Variants in GLI2 observed in about 807,000 individuals in gnomAD.
The protein encoded by GLI2 is GLI family zinc finger 2.
GLI2 carries 22 observed loss-of-function variants against 78.9 expected under a neutral mutation model. The ratio of observed to expected loss-of-function variants is 0.28; its 90% CI spans 0.20 to 0.40. The LOEUF is 0.40. Among genes scored for constraint, GLI2 ranks in the 10% least tolerant of loss-of-function variants. The pLI is 1.00. For synonymous variants in GLI2, 974 were observed against 963.7 expected (o/e 1.01, Z -0.20); for missense variants, 2,097 against 2,213.2 (o/e 0.95, Z 1.05).
At chr2:120,930,130 C>T (rs774444419) in intron 3 of GLI2, among the ~76,000 whole-genome samples, 7 of 152,206 alleles carry the variant, frequency 4.6e-5, no homozygotes, top group Non-Finnish European at 1.0e-4. Context: ...ACAGTCCATG[C>T]TGGAGTGCTT....
At position 120,990,804 on chromosome 2, in the gene GLI2, C is replaced by T. The variant is rs900851769; in HGVS notation, c.*129C>T. ...TTGAGGGGTTGTTGCGCAATGGCCG[C>T]TTCAGATGACAGATGTTGTAAGAGA... On this transcript the variant is annotated 3_prime_UTR_variant, in exon 14 of 14. Coordinates refer to ENST00000361492, the MANE Select transcript of GLI2 (RefSeq NM_001374353.1). 3 of 668,072 alleles carry T rather than the reference C, an allele frequency of 4.5e-6. No homozygotes were observed. The highest frequency in any genetic ancestry group is 3.6e-5 in the African/African-American group (2 of 55,406). 41.4% of individuals were successfully genotyped at this position (668,072 alleles called of 1,614,324 possible).
At chr2:120,890,715 G>A (rs1365440993) in intron 2 of GLI2, among the ~76,000 whole-genome samples, 2 of 152,212 alleles carry the variant, frequency 1.3e-5, no homozygotes, top group Non-Finnish European at 2.9e-5. Flanking sequence ...TATGCAATGC[G>A]AATTACGTCA....
At chr2:120,740,767 G>C (rs1349206237) in intron 1 of GLI2, among the ~76,000 whole-genome samples, 1 of 152,220 alleles carries the variant, frequency 6.6e-6, no homozygotes, top group Admixed American at 6.5e-5. Context: ...ACCAAAAACA[G>C]CAGTGAAATA....
chr2:120,753,056 C>T (rs74570456), intron 1 of GLI2, among the ~76,000 whole-genome samples: 2 of 147,648 alleles, frequency 1.4e-5, no homozygotes, highest in Admixed American at 6.7e-5. Flanking sequence ...TGTAAAACTT[C>T]GGGGTATAAG....
At chr2:120,769,898 G>T (rs1264800938) in intron 1 of GLI2, among the ~76,000 whole-genome samples, 2 of 152,126 alleles carry the variant, frequency 1.3e-5, no homozygotes, top group African/African-American at 4.8e-5. Flanking sequence ...GTGTGCATGT[G>T]CATGTGTGGG....
intron 1 of GLI2, among the ~76,000 whole-genome samples, chr2:120,771,606 C>T (rs545362655): frequency 6.6e-6 from 1 of 152,350 alleles, no homozygotes; most frequent in African/African-American, 2.4e-5. Flanking sequence ...GACTGCCCTT[C>T]CAGTCGGGAG....
chr2:120,942,194 C>T (rs936618982), intron 3 of GLI2, among the ~76,000 whole-genome samples: 12 of 152,178 alleles, frequency 7.9e-5, no homozygotes, highest in South Asian at 4.1e-4. Flanking sequence ...TGCTGTAACA[C>T]GGTACCACGA....
At chr2:120,978,901 G>A (rs1202056856) in intron 10 of GLI2, among the ~76,000 whole-genome samples, 2 of 152,242 alleles carry the variant, frequency 1.3e-5, no homozygotes, top group Admixed American at 6.5e-5. Context: ...GCTGGGTGAC[G>A]CTGGGAAGAG....
At chr2:120,754,117 G>C (rs959395748) in intron 1 of GLI2, among the ~76,000 whole-genome samples, 1 of 151,982 alleles carries the variant, frequency 6.6e-6, no homozygotes, top group Non-Finnish European at 1.5e-5. Flanking sequence ...ATAACCATTT[G>C]GTAATTTCTC....
intron 5 of GLI2, among the ~76,000 whole-genome samples, chr2:120,967,658 G>A (rs1681924020): frequency 6.6e-6 from 1 of 152,252 alleles, no homozygotes; most frequent in African/African-American, 2.4e-5. Context: ...GTGTGCATAT[G>A]CATGTGTACA....
intron 1 of GLI2, among the ~76,000 whole-genome samples, chr2:120,758,388 C>T (rs1474809169): frequency 5.9e-5 from 9 of 152,192 alleles, no homozygotes; most frequent in Admixed American, 3.3e-4. Context: ...GAGGGGAAAG[C>T]GGAAGTGGGA....
At chr2:120,805,425 T>G (rs1684906625) in intron 2 of GLI2, among the ~76,000 whole-genome samples, 1 of 152,264 alleles carries the variant, frequency 6.6e-6, no homozygotes, top group African/African-American at 2.4e-5. Flanking sequence ...GTGTGCTCCC[T>G]GGGGCCTTGG....
chr2:120,753,336 T>A (rs1447462116), intron 1 of GLI2, among the ~76,000 whole-genome samples: 4 of 152,182 alleles, frequency 2.6e-5, no homozygotes, highest in Non-Finnish European at 5.9e-5. Context: ...CTTCAGGTGA[T>A]CTACCTGCGT....
At position 120,989,643 on chromosome 2, in the gene GLI2, C is replaced by T. The variant is rs753527864; in HGVS notation, c.3678C>T (p.Pro1226=). 1.2e-6 allele frequency: 2 copies of T among 1,613,374 alleles called. No homozygotes were observed. The highest frequency in any genetic ancestry group is 1.1e-5 in the South Asian group (1 of 91,080). ...CTGGCATGACTACCACTATGAGCCC[C>T]CATGCCTGCTATGGCCAAGTCCACC... is the stretch of plus-strand genomic sequence containing the variant. ...QCPGMTTTMS[P]HACYGQVHPQ... The change falls in exon 14 of 14, where the codon CCC becomes CCT. Residue 1226 remains proline, a synonymous_variant. Coordinates refer to ENST00000361492, the MANE Select transcript of GLI2 (RefSeq NM_001374353.1).
intron 3 of GLI2, among the ~76,000 whole-genome samples, chr2:120,943,735 T>A (rs1221691515): frequency 6.6e-6 from 1 of 152,216 alleles, no homozygotes; most frequent in Non-Finnish European, 1.5e-5. Context: ...ATCTCTGGCA[T>A]GCCAAGGGTG....
In GLI2 at chr2:120,898,753, CAGAT is replaced by C. The variant is rs536289932; in HGVS notation, c.149-28604_149-28601del. ...AACAAAGTGTCCTTTGTTATTTTCT[CAGAT>C]AGAGAAAATAGATGAGGAAACTGCA... On this transcript the variant is annotated intron_variant, in intron 2 of 13. Coordinates refer to ENST00000361492, the MANE Select transcript of GLI2 (RefSeq NM_001374353.1). Among the ~76,000 whole-genome samples, 470 of 152,226 alleles carry C rather than the reference CAGAT, an allele frequency of 3.1e-3. 3 individuals are homozygous for C. Among genetic ancestry groups the C allele is most frequent in the African/African-American group, 0.011 (444 of 41,536 alleles).
At chr2:120,813,389 G>A (rs1685349325) in intron 2 of GLI2, among the ~76,000 whole-genome samples, 2 of 152,166 alleles carry the variant, frequency 1.3e-5, no homozygotes, top group South Asian at 4.2e-4. Flanking sequence ...CCACGTGATG[G>A]CTGCCACGTG....
intron 1 of GLI2, among the ~76,000 whole-genome samples, chr2:120,751,507 C>T (rs1682872897): frequency 6.6e-6 from 1 of 152,124 alleles, no homozygotes; most frequent in Non-Finnish European, 1.5e-5. Context: ...TAATTATTCT[C>T]CAAACACGCT....
chr2:120,950,014 G>T (rs1303230677), intron 3 of GLI2, among the ~76,000 whole-genome samples: 4 of 152,204 alleles, frequency 2.6e-5, no homozygotes, highest in African/African-American at 9.7e-5. Flanking sequence ...GGGCCTCCCG[G>T]GCAATGCTAG....
Sources: gnomAD v4.1 joint callset for allele counts (sites outside exome capture counted in the v4.1 genomes callset) on GRCh38, gnomAD v4.1.1 for gene constraint, MANE v1.5 for transcripts, NCBI Gene and HGNC (gene_info 2026-07-23, HGNC 2026-07-21) for gene names.